Variants in UQCC1 observed in about 807,000 individuals in gnomAD.
The protein encoded by UQCC1 is bFGF-repressed Zic-binding protein.
In UQCC1, 38 loss-of-function variants were observed where a neutral mutation model predicts 48.0. That is an observed-to-expected ratio of 0.79 (90% CI 0.61 to 1.04). UQCC1 has a LOEUF of 1.04. UQCC1 is among the 50% of genes least tolerant of loss of function. The pLI is 0.00. For missense variants in UQCC1, 368 were observed against 381.8 expected (o/e 0.96, Z 0.30); for synonymous variants, 111 against 129.2 (o/e 0.86, Z 0.95).
chr20:35,393,767 C>A (rs574526074), intron 2 of UQCC1, among the ~76,000 whole-genome samples: 13 of 151,690 alleles, frequency 8.6e-5, no homozygotes, highest in Non-Finnish European at 1.0e-4. Context: ...AATTATCACG[C>A]CCAAATAAAA....
intron 2 of UQCC1, chr20:35,392,419 T>A: frequency 1.6e-6 from 1 of 635,196 alleles, no homozygotes; most frequent in Non-Finnish European, 2.5e-6. Flanking sequence ...TATAATGTTG[T>A]CCCAGAGCCT....
At chr20:35,410,037 C>T (rs1266033303) in intron 1 of UQCC1, 1 of 151,876 alleles carries the variant, frequency 6.6e-6, no homozygotes, top group Non-Finnish European at 1.5e-5. Flanking sequence ...AACTCCTGGC[C>T]TCAAGTGATC....
At chr20:35,322,542 T>C (rs2061143046) in intron 7 of UQCC1, among the ~76,000 whole-genome samples, 1 of 152,068 alleles carries the variant, frequency 6.6e-6, no homozygotes, top group South Asian at 2.1e-4. Context: ...GAGACCAGCC[T>C]GGCCAACATA....
intron 8 of UQCC1, among the ~76,000 whole-genome samples, chr20:35,313,077 A>AT (rs1465471455): frequency 6.6e-5 from 10 of 152,098 alleles, no homozygotes; most frequent in Non-Finnish European, 1.5e-4. Context: ...ATATTTTACA[A>AT]TTTTTTTAAA....
intron 5 of UQCC1, 136 bp downstream of exon 5, chr20:35,374,048 G>C (rs932617055): frequency 1.1e-4 from 69 of 635,722 alleles, no homozygotes; most frequent in African/African-American, 1.7e-4. Context: ...GAGACAAATA[G>C]ACAGTTTGGA....
In UQCC1 at chr20:35,397,572, C is replaced by T. The variant is rs556974240; in HGVS notation, c.25-3376G>A. Reference sequence around the variant, plus strand: ...CAGGAAAAAAACATGCCATACTAAACATGTAGACTTTTTTTTTCTCGTCAC... The same window carrying T: ...CAGGAAAAAAACATGCCATACTAAATATGTAGACTTTTTTTTTCTCGTCAC... On this transcript the variant is annotated intron_variant, in intron 1 of 9. Transcript: ENST00000374385. Among the ~76,000 whole-genome samples, 26 of 149,532 alleles carry T rather than the reference C, an allele frequency of 1.7e-4. 1 individual carries two copies. In the South Asian group the frequency reaches 5.1e-3, roughly 30 times the overall value.
Position 35,394,154 on chromosome 20 carries a change from G to T in UQCC1, c.67C>A (p.Arg23=), listed in dbSNP as rs1173877163. The T allele has an allele frequency of 9.9e-6, 16 of 1,613,876 alleles. No individual in the cohort carries two copies. The highest frequency in any genetic ancestry group is 1.4e-5 in the Non-Finnish European group (16 of 1,179,984). ...SISQWVPVCS[R]LIPVSPTQGQ... ...TGGGTAGGAGACACAGGTATCAATC[G>T]GCTGCATACTGGAACCCACTGAGAA... Residue 23 remains arginine (R), a synonymous_variant, in exon 2 of 10, where the codon CGA becomes AGA. Coordinates refer to ENST00000374385, the MANE Select transcript of UQCC1 (RefSeq NM_018244.5).
intron 7 of UQCC1, among the ~76,000 whole-genome samples, chr20:35,324,619 C>T (rs1268670172): frequency 6.6e-6 from 1 of 152,246 alleles, no homozygotes; most frequent in Admixed American, 6.5e-5. Flanking sequence ...AGCCACCGCA[C>T]CTGGCCGAGC....
At chr20:35,406,394 T>G (rs919997903) in intron 1 of UQCC1, among the ~76,000 whole-genome samples, 1 of 152,188 alleles carries the variant, frequency 6.6e-6, no homozygotes, top group African/African-American at 2.4e-5. Flanking sequence ...CTCAAGAACA[T>G]TAACAGTGGA....
intron 6 of UQCC1, among the ~76,000 whole-genome samples, chr20:35,351,470 A>G (rs1212811732): frequency 6.6e-6 from 1 of 152,174 alleles, no homozygotes; most frequent in African/African-American, 2.4e-5. Flanking sequence ...TATAGGACAC[A>G]GAGCCTATTC....
At chr20:35,359,645 C>G (rs2061584254) in intron 6 of UQCC1, among the ~76,000 whole-genome samples, 1 of 152,130 alleles carries the variant, frequency 6.6e-6, no homozygotes, top group African/African-American at 2.4e-5. Flanking sequence ...TAGAGTAGAT[C>G]TGATTTTGAA....
chr20:35,378,611 CAG>C (rs534944871), intron 4 of UQCC1, among the ~76,000 whole-genome samples: 68 of 152,252 alleles, frequency 4.5e-4, no homozygotes, highest in African/African-American at 1.6e-3. Flanking sequence ...GCCTGGGCGA[CAG>C]AGCGAGACTC....
intron 8 of UQCC1, 152 bp from the exon 9 acceptor site, chr20:35,306,931 G>A (rs2060936115): frequency 2.9e-6 from 2 of 695,648 alleles, no homozygotes; most frequent in Non-Finnish European, 5.2e-6. Context: ...CACAGTAGAG[G>A]TGGAAGGGGT....
chr20:35,339,033 G>A (rs2061349597), intron 7 of UQCC1, among the ~76,000 whole-genome samples: 2 of 150,688 alleles, frequency 1.3e-5, no homozygotes, highest in Non-Finnish European at 3.0e-5. Context: ...CAGATTAAGT[G>A]TATAACCAGG....
At position 35,394,145 on chromosome 20, in the gene UQCC1, G is replaced by C; in HGVS notation, c.76C>G (p.Pro26Ala). 6.2e-7 allele frequency: 1 copy of C among 1,614,046 alleles called. No individual in the cohort carries two copies. Among genetic ancestry groups the C allele is most frequent in the Non-Finnish European group, 8.5e-7 (1 of 1,179,980 alleles). ...QWVPVCSRLIPVSPTQGQGDR... is the reference protein window; with the variant it reads ...QWVPVCSRLIAVSPTQGQGDR... ...CCCTGTCCTTGGGTAGGAGACACAG[G>C]TATCAATCGGCTGCATACTGGAACC... The change falls in exon 2 of 10, where the codon CCT (proline) becomes GCT (alanine). Residue 26 changes from proline (P) to alanine (A), a missense_variant. Transcript: ENST00000374385.
chr20:35,403,568 C>T (rs750394103), intron 1 of UQCC1, among the ~76,000 whole-genome samples: 1 of 152,116 alleles, frequency 6.6e-6, no homozygotes, highest in African/African-American at 2.4e-5. Context: ...TGGGTATATG[C>T]CCGAAGGATT....
chr20:35,360,260 G>C (rs1379826909), intron 6 of UQCC1, among the ~76,000 whole-genome samples: 1 of 152,124 alleles, frequency 6.6e-6, no homozygotes, highest in Non-Finnish European at 1.5e-5. Context: ...AGCAGGCCTG[G>C]GGTTGCTGGA....
chr20:35,387,362 A>C (rs1412391766), intron 2 of UQCC1, among the ~76,000 whole-genome samples: 1 of 152,142 alleles, frequency 6.6e-6, no homozygotes, highest in African/African-American at 2.4e-5. Context: ...GGACAAACTC[A>C]AGCGATTCTT....
intron 1 of UQCC1, among the ~76,000 whole-genome samples, chr20:35,398,621 G>A (rs2062115348): frequency 6.6e-6 from 1 of 152,068 alleles, no homozygotes; most frequent in Non-Finnish European, 1.5e-5. Context: ...TTTTCCAAGT[G>A]AGAGACAGTT....
Sources: gnomAD v4.1 joint callset for allele counts (sites outside exome capture counted in the v4.1 genomes callset) on GRCh38, gnomAD v4.1.1 for gene constraint, MANE v1.5 for transcripts, NCBI Gene and HGNC (gene_info 2026-07-23, HGNC 2026-07-21) for gene names.